Variants in KCTD20 observed in about 807,000 individuals in gnomAD.
KCTD20 encodes BTB/POZ domain-containing protein KCTD20.
KCTD20 carries 30 observed loss-of-function variants against 39.6 expected under a neutral mutation model. That is an observed-to-expected ratio of 0.76 (90% confidence interval 0.57 to 1.03). KCTD20 has a LOEUF of 1.03. Ranked by LOEUF, KCTD20 falls within the 50% of genes least tolerant of loss-of-function variation. The pLI is 0.00. For missense variants in KCTD20, 422 were observed against 522.0 expected, an observed-to-expected ratio of 0.81 and a Z score of 1.87; for synonymous variants, 162 against 180.6, an observed-to-expected ratio of 0.90 and a Z score of 0.83.
At chr6:36,466,185 C>A (rs1196750306) in intron 1 of KCTD20, among the ~76,000 whole-genome samples, 9 of 151,492 alleles carry the variant, frequency 5.9e-5, no homozygotes, top group Non-Finnish European at 1.3e-4. Flanking sequence ...GCCTCAGCCT[C>A]CCGAGTAGCT....
intron 1 of KCTD20, among the ~76,000 whole-genome samples, chr6:36,462,330 T>C (rs1316243045): frequency 1.3e-5 from 2 of 152,224 alleles, no homozygotes; most frequent in African/African-American, 2.4e-5. Context: ...GTTTTGGGTC[T>C]TGATTAAAAA....
chr6:36,481,297 GGTCTGACCTTGTAA>G (rs1776238351), intron 5 of KCTD20, among the ~76,000 whole-genome samples: 1 of 140,080 alleles, frequency 7.1e-6, no homozygotes, highest in Non-Finnish European at 1.5e-5. Context: ...GGATTAACAT[GGTCTGACCTTGTAA>G]GTCCAACAAA....
At chr6:36,463,124 C>T (rs927930012) in intron 1 of KCTD20, among the ~76,000 whole-genome samples, 2 of 152,212 alleles carry the variant, frequency 1.3e-5, no homozygotes, top group Admixed American at 1.3e-4. Context: ...ATCCTTCACT[C>T]TAGCCTGATT....
intron 1 of KCTD20, among the ~76,000 whole-genome samples, chr6:36,466,852 G>C (rs973720738): frequency 3.9e-5 from 6 of 152,060 alleles, no homozygotes; most frequent in Admixed American, 2.0e-4. Context: ...TATTTAAACT[G>C]CCTGCTCTGG....
intron 1 of KCTD20, chr6:36,465,677 T>C (rs1176931812): frequency 6.6e-6 from 1 of 152,160 alleles, no homozygotes; most frequent in South Asian, 2.1e-4. Flanking sequence ...ATGATGGTGA[T>C]AAAACTATTT....
intron 2 of KCTD20, among the ~76,000 whole-genome samples, chr6:36,471,667 G>A (rs1005317367): frequency 1.4e-4 from 21 of 152,210 alleles, no homozygotes; most frequent in Middle Eastern, 3.4e-3. Context: ...TATGACTGCC[G>A]CTGAAGAGTA....
chr6:36,455,734 A>G (rs1009876716), intron 1 of KCTD20, among the ~76,000 whole-genome samples: 6 of 152,228 alleles, frequency 3.9e-5, no homozygotes, highest in African/African-American at 1.2e-4. Context: ...AGGGACAGGC[A>G]GGACCTCTAG....
In KCTD20 at chr6:36,490,986, A is replaced by G. The variant is rs1426970001; in HGVS notation, c.*3811A>G. The G allele has an allele frequency of 6.6e-6, 1 of 152,260 alleles. No homozygotes were observed. Among genetic ancestry groups the G allele is most frequent in the East Asian group, 1.9e-4 (1 of 5,204 alleles). The allele number at this position is 152,260 out of a possible 1,614,324, so 9.4% of individuals were successfully genotyped here. A position where few individuals can be genotyped will look rare whatever the true frequency, so the allele number is the denominator to read the frequency against. ...CATTTGTGTTCTGGGTGGGATCACT[A>G]GTGCAGGAGAACATTACATTTTCTT... On this transcript the variant is annotated 3_prime_UTR_variant, in exon 8 of 8. Coordinates refer to ENST00000373731, the MANE Select transcript of KCTD20 (RefSeq NM_173562.5).
rs115427501 is a variant in KCTD20, at chr6:36,472,360, T to C, written c.160+2103T>C. Among the ~76,000 whole-genome samples the C allele has an allele frequency of 5.7e-3, 875 of 152,274 alleles. 8 individuals are homozygous for C. The highest frequency in any genetic ancestry group is 0.02 in the African/African-American group (830 of 41,558). On this transcript the variant is annotated intron_variant, in intron 2 of 7. Coordinates refer to ENST00000373731, the MANE Select transcript of KCTD20 (RefSeq NM_173562.5). The stretch of plus-strand genomic sequence containing the variant: ...GTTTTTGATCTAGATTTTTGTTGCC[T>C]TTTATCTACAAACAAATGGGAAAAA...
At chr6:36,448,011 G>A (rs899619715) in intron 1 of KCTD20, among the ~76,000 whole-genome samples, 19 of 15,166 alleles carry the variant, frequency 1.3e-3, no homozygotes, top group Non-Finnish European at 2.9e-3. Flanking sequence ...GTGTATGTGT[G>A]TGTGTATATA....
chr6:36,461,880 G>A (rs1379502340), intron 1 of KCTD20, among the ~76,000 whole-genome samples: 4 of 152,108 alleles, frequency 2.6e-5, no homozygotes, highest in East Asian at 3.8e-4. Flanking sequence ...TAGAGAAGGA[G>A]GAAGGAAAAG....
rs760205169 is a variant in KCTD20 at position 36,477,481 on chromosome 6, C to CTT, written c.435-1624_435-1623dup. 7.3e-3 allele frequency among the ~76,000 whole-genome samples: 958 copies of CTT among 130,908 alleles called. 12 individuals carry two copies. The highest frequency in any genetic ancestry group is 0.016 in the African/African-American group (549 of 34,930). 85.9% of individuals were successfully genotyped at this position (130,908 alleles called of 152,430 possible). ...ATGTGAAATGGAATCATTTTCTTTT[C>CTT]TTTTTTTTTTTTTTTTTGAGACGGA... On this transcript the variant is annotated intron_variant, in intron 3 of 7. Transcript: ENST00000373731.
intron 6 of KCTD20, among the ~76,000 whole-genome samples, chr6:36,484,246 A>G (rs1010164579): frequency 2.6e-5 from 4 of 152,164 alleles, no homozygotes; most frequent in Non-Finnish European, 4.4e-5. Flanking sequence ...AAACCTTTTT[A>G]GTTTTCAAGA....
chr6:36,470,380 G>A (rs1775876150), intron 2 of KCTD20, 123 bp downstream of exon 2: 1 of 902,792 alleles, frequency 1.1e-6, no homozygotes, highest in African/African-American at 1.7e-5. Flanking sequence ...TAGCTTGCAT[G>A]TCACAATTAC....
chr6:36,484,072 T>C (rs1397991814), intron 6 of KCTD20, among the ~76,000 whole-genome samples: 3 of 151,950 alleles, frequency 2.0e-5, no homozygotes, highest in Non-Finnish European at 4.4e-5. Context: ...CCCGAGTAGC[T>C]GGGATTACAG....
rs577135959 is a variant in KCTD20 at position 36,469,790 on chromosome 6, C to G, written c.-46-262C>G. Among the ~76,000 whole-genome samples the G allele has an allele frequency of 1.3e-5, 2 of 152,222 alleles. No individual in the cohort carries two copies. Among genetic ancestry groups the G allele is most frequent in the South Asian group, 4.2e-4 (2 of 4,808 alleles). ...AATGTAGAATTGATCAAGAATGTGA[C>G]CAAAGTCAGTGAATTTGATGTCTGT... On this transcript the variant is annotated intron_variant, in intron 1 of 7. Transcript: ENST00000373731. This position sits in a 1 kb window ranked among gnomAD's most constrained non-coding sequence, Gnocchi z 4.6.
chr6:36,458,785 G>A (rs1775516466), intron 1 of KCTD20, among the ~76,000 whole-genome samples: 1 of 151,540 alleles, frequency 6.6e-6, no homozygotes, highest in Non-Finnish European at 1.5e-5. Flanking sequence ...GATCCCAGGA[G>A]CTTGAGACTG....
intron 2 of KCTD20, among the ~76,000 whole-genome samples, chr6:36,471,048 G>C (rs1265815162): frequency 6.6e-6 from 1 of 151,520 alleles, no homozygotes; most frequent in Non-Finnish European, 1.5e-5. Flanking sequence ...CTACTTGGGA[G>C]TATGAGGCAC....
chr6:36,465,775 T>G (rs1775735362), intron 1 of KCTD20: 1 of 152,204 alleles, frequency 6.6e-6, no homozygotes, highest in African/African-American at 2.4e-5. Flanking sequence ...TATATACTCT[T>G]AAAATATATA....
Sources: allele counts gnomAD v4.1 joint callset (sites outside exome capture counted in the v4.1 genomes callset), GRCh38; gene constraint gnomAD v4.1.1; non-coding constraint Gnocchi (gnomAD v3.1); transcripts MANE v1.5; gene names NCBI Gene and HGNC (gene_info 2026-07-23, HGNC 2026-07-21).